Variants in SPOP observed in about 807,000 individuals in gnomAD.
SPOP encodes the protein speckle-type POZ protein.
A neutral mutation model predicts 45.6 loss-of-function variants in SPOP; 11 were observed. The observed-to-expected ratio is 0.24, with a 90% CI of 0.15 to 0.40. The LOEUF is 0.40. Ranked by LOEUF, SPOP falls within the 10% of genes least tolerant of loss-of-function variation. The pLI, the probability that SPOP is intolerant of heterozygous loss-of-function variation, is 1.00. For missense variants in SPOP, 152 were observed against 465.6 expected (o/e 0.33, Z 6.20); for synonymous variants, 166 against 166.3 (o/e 1.00, Z 0.01).
intron 6 of SPOP, 147 bp downstream of exon 6, chr17:49,611,133 T>G (rs111798524): frequency 1.0e-5 from 9 of 891,454 alleles, no homozygotes; most frequent in Non-Finnish European, 1.5e-5. Context: ...TTCTGAGCAT[T>G]GTTACCGGAA....
At chr17:49,632,489 ATTC>A (rs1338400682) in intron 1 of SPOP, among the ~76,000 whole-genome samples, 3 of 151,784 alleles carry the variant, frequency 2.0e-5, no homozygotes, top group Non-Finnish European at 2.9e-5. Flanking sequence ...TTCAAGTTAA[ATTC>A]TTCTTTTTTT....
intron 5 of SPOP, among the ~76,000 whole-genome samples, chr17:49,611,803 C>T (rs2071979748): frequency 1.3e-5 from 2 of 152,188 alleles, no homozygotes; most frequent in African/African-American, 4.8e-5. Flanking sequence ...CAAGTATTTA[C>T]CTTATTCTGC....
intron 1 of SPOP, among the ~76,000 whole-genome samples, chr17:49,625,051 T>C (rs1238435804): frequency 1.3e-5 from 2 of 152,106 alleles, no homozygotes; most frequent in Non-Finnish European, 2.9e-5. Context: ...TTTAAACAGA[T>C]TGCTGGCCCC....
intron 1 of SPOP, among the ~76,000 whole-genome samples, chr17:49,624,113 TA>T (rs1313177802): frequency 1.3e-5 from 2 of 151,914 alleles, no homozygotes; most frequent in Non-Finnish European, 2.9e-5. Flanking sequence ...CCAAAGCCAT[TA>T]AAAAAACTGG....
chr17:49,657,136 G>C (rs910900496), intron 1 of SPOP, among the ~76,000 whole-genome samples: 1 of 149,852 alleles, frequency 6.7e-6, no homozygotes, highest in Non-Finnish European at 1.5e-5. Flanking sequence ...AGTGAGCCGA[G>C]ATTGCGCCGA....
At chr17:49,603,004 A>AAC (rs2071767621) in intron 8 of SPOP, among the ~76,000 whole-genome samples, 1 of 152,206 alleles carries the variant, frequency 6.6e-6, no homozygotes, top group Non-Finnish European at 1.5e-5. Flanking sequence ...ACAGGAAAAC[A>AAC]GTTTGCTTTG....
chr17:49,615,355 T>TA (rs2072062843), intron 5 of SPOP, among the ~76,000 whole-genome samples: 2 of 152,244 alleles, frequency 1.3e-5, no homozygotes, highest in African/African-American at 4.8e-5. Context: ...TCTTTATTGC[T>TA]AATGGCTATT....
intron 1 of SPOP, among the ~76,000 whole-genome samples, chr17:49,643,196 C>T (rs920222680): frequency 1.3e-5 from 2 of 152,212 alleles, no homozygotes; most frequent in Non-Finnish European, 2.9e-5. Flanking sequence ...CCTACTCAAA[C>T]GCTTGCAGCA....
chr17:49,645,875 G>GT (rs929501549), intron 1 of SPOP, among the ~76,000 whole-genome samples: 2 of 137,162 alleles, frequency 1.5e-5, no homozygotes, highest in Non-Finnish European at 1.6e-5. Flanking sequence ...ACCTGTTGTT[G>GT]TTTTTTTTTC....
intron 6 of SPOP, among the ~76,000 whole-genome samples, 185 bp downstream of exon 6, chr17:49,611,095 A>C (rs1412673359): frequency 2.6e-5 from 4 of 152,172 alleles, no homozygotes; most frequent in Non-Finnish European, 5.9e-5. Context: ...AAAAACAGAA[A>C]TGTCATTTTA....
chr17:49,664,916 G>A (rs1435866662), intron 1 of SPOP, among the ~76,000 whole-genome samples: 1 of 152,118 alleles, frequency 6.6e-6, no homozygotes, highest in African/African-American at 2.4e-5. Context: ...CTTAGATTCT[G>A]CAACAGCTAT....
intron 5 of SPOP, among the ~76,000 whole-genome samples, chr17:49,615,025 A>AT (rs1368739437): frequency 1.3e-5 from 2 of 152,028 alleles, no homozygotes; most frequent in East Asian, 3.9e-4. Context: ...TACCTGGCTA[A>AT]TTTTTAATTT....
At position 49,622,739 on chromosome 17, in the gene SPOP, G is replaced by A. The variant is rs1308493304; in HGVS notation, c.72C>T (p.Tyr24=). ...GCTGAAAACTTCAACTTACCTGTGTGTAGCACCAACTCTCAGCTACGGGGC... is the reference window on the plus strand; with the variant it reads ...GCTGAAAACTTCAACTTACCTGTGTATAGCACCAACTCTCAGCTACGGGGC... ...SSGPVAESWC[Y]TQIKVVKFSY... Residue 24 remains tyrosine (Y), a synonymous_variant, in exon 2 of 10, where the codon TAC becomes TAT. Transcript: ENST00000504102. The A allele has an allele frequency of 6.2e-7, 1 of 1,614,068 alleles. No individual in the cohort carries two copies. Among genetic ancestry groups the A allele is most frequent in the Admixed American group, 1.7e-5 (1 of 60,022 alleles).
chr17:49,629,157 G>T (rs995510103), intron 1 of SPOP, among the ~76,000 whole-genome samples: 2 of 152,022 alleles, frequency 1.3e-5, no homozygotes, highest in Non-Finnish European at 2.9e-5. Flanking sequence ...CAGGAGAATC[G>T]CTTGAACCTG....
chr17:49,636,170 G>C (rs772535477), intron 1 of SPOP: 1 of 151,936 alleles, frequency 6.6e-6, no homozygotes, highest in Non-Finnish European at 1.5e-5. Context: ...TCTAATTTTT[G>C]TATTTTTTAT....
At chr17:49,607,990 C>A in intron 6 of SPOP, 61 bp from the exon 7 acceptor site, 3 of 1,523,788 alleles carry the variant, frequency 2.0e-6, no homozygotes, top group Non-Finnish European at 2.7e-6. Flanking sequence ...TTGGTTGTTG[C>A]CAGTCATGAG....
intron 5 of SPOP, among the ~76,000 whole-genome samples, chr17:49,614,257 C>T (rs2072035597): frequency 6.6e-6 from 1 of 152,088 alleles, no homozygotes; most frequent in African/African-American, 2.4e-5. Flanking sequence ...CCTAAATGTC[C>T]ATCAACAAAA....
intron 1 of SPOP, among the ~76,000 whole-genome samples, chr17:49,623,308 G>A (rs1332623247): frequency 1.3e-5 from 2 of 152,032 alleles, no homozygotes; most frequent in Non-Finnish European, 1.5e-5. Flanking sequence ...GCACCCAGCC[G>A]AGGTCCTAAA....
At chr17:49,677,559 G>A (rs1259741449) in intron 1 of SPOP, among the ~76,000 whole-genome samples, 1 of 152,212 alleles carries the variant, frequency 6.6e-6, no homozygotes, top group Non-Finnish European at 1.5e-5. Context: ...GCAACACCGC[G>A]ATGCGCATGC....
Sources: gnomAD v4.1 joint callset for allele counts (sites outside exome capture counted in the v4.1 genomes callset) on GRCh38, gnomAD v4.1.1 for gene constraint, MANE v1.5 for transcripts, NCBI Gene and HGNC (gene_info 2026-07-23, HGNC 2026-07-21) for gene names.